KCNMA1: variants seen among roughly 807,000 people sequenced by gnomAD.
KCNMA1 encodes potassium calcium-activated channel subfamily M alpha 1.
Under a neutral mutation model 140.0 loss-of-function variants are expected in KCNMA1, and 29 were observed. The observed-to-expected ratio is 0.21, with a 90% CI of 0.15 to 0.28. The LOEUF (loss-of-function observed/expected upper bound fraction) is 0.28. Ranked by LOEUF, KCNMA1 falls within the 10% of genes least tolerant of loss-of-function variation. The probability of loss-of-function intolerance (pLI) is 1.00; values close to 1 mark genes in which losing one functional copy is unlikely to be tolerated. For synonymous variants in KCNMA1, 612 were observed against 611.9 expected, an observed-to-expected ratio of 1.00 and a Z score of 0.00; for missense variants, 880 against 1,602.2, an observed-to-expected ratio of 0.55 and a Z score of 7.70.
chr10:76,923,028 A>AT (rs745982839), intron 23 of KCNMA1, among the ~76,000 whole-genome samples: 22 of 152,086 alleles, frequency 1.4e-4, no homozygotes, highest in Non-Finnish European at 8.8e-5. Context: ...TTAGCGGTAC[A>AT]TTTTTTTAGA....
intron 1 of KCNMA1, among the ~76,000 whole-genome samples, chr10:77,523,209 C>CCG (rs1044118267): frequency 1.3e-5 from 2 of 149,882 alleles, no homozygotes; most frequent in African/African-American, 2.5e-5. Flanking sequence ...ACGTGCCCCC[C>CCG]CCCCTTGCAA....
chr10:77,355,953 T>C (rs2093441932), intron 2 of KCNMA1, among the ~76,000 whole-genome samples: 1 of 152,134 alleles, frequency 6.6e-6, no homozygotes, highest in Non-Finnish European at 1.5e-5. Context: ...GTACACAATA[T>C]CCACGTGGGA....
chr10:77,318,458 T>G (rs2081448188), intron 2 of KCNMA1, among the ~76,000 whole-genome samples: 1 of 152,114 alleles, frequency 6.6e-6, no homozygotes, highest in South Asian at 2.1e-4. Flanking sequence ...GACTCTACTG[T>G]GGAGGCACAA....
At chr10:77,404,173 T>C in intron 1 of KCNMA1, 150 bp from the exon 2 acceptor site, 2 of 657,224 alleles carry the variant, frequency 3.0e-6, no homozygotes, top group South Asian at 3.6e-5. Context: ...GGGTAAATTA[T>C]GCCTTTGATT....
Position 77,086,725 on chromosome 10 carries a change from G to C in KCNMA1, c.1335-132C>G, listed in dbSNP as rs984965481. ...GTGACCTACAGTCACCCTTTTGCTT[G>C]CCATAAATAAAAGACTCACACTCAA... On this transcript the variant is annotated intron_variant, in intron 10 of 27. Coordinates refer to ENST00000286628, the MANE Select transcript of KCNMA1 (RefSeq NM_001161352.2). 4.2e-6 allele frequency: 3 copies of C among 712,322 alleles called. No homozygotes were observed. In the African/African-American group the frequency reaches 5.3e-5, roughly 13 times the overall value. 44.1% of individuals were successfully genotyped at this position (712,322 alleles called of 1,614,324 possible).
intron 1 of KCNMA1, among the ~76,000 whole-genome samples, chr10:77,584,854 G>A (rs979509592): frequency 9.2e-5 from 14 of 152,126 alleles, no homozygotes; most frequent in African/African-American, 2.4e-4. Context: ...CCCAGCACTC[G>A]GCTGCACTTA....
chr10:76,904,124 T>C (rs1217377865), intron 25 of KCNMA1: 1 of 152,222 alleles, frequency 6.6e-6, no homozygotes, highest in Admixed American at 6.5e-5. Context: ...TTATATGCCT[T>C]TGCCATTCTC....
In KCNMA1 at chr10:77,184,994, G is replaced by T. The variant is rs888039771; in HGVS notation, c.603-78C>A. ...CTGTCTCCCACGATGCTGAGAAGTGGTAGTGCTTAGGGTAGACGATGAAAT... is the reference window on the plus strand; with the variant it reads ...CTGTCTCCCACGATGCTGAGAAGTGTTAGTGCTTAGGGTAGACGATGAAAT... On this transcript the variant is annotated intron_variant, in intron 3 of 27. Coordinates refer to ENST00000286628, the MANE Select transcript of KCNMA1 (RefSeq NM_001161352.2). 8.4e-5 allele frequency: 72 copies of T among 855,040 alleles called. No homozygotes were observed. The South Asian group carries it at 8.7e-4, about 10-fold the overall frequency. 53.0% of individuals were successfully genotyped at this position (855,040 alleles called of 1,614,324 possible).
intron 21 of KCNMA1, chr10:76,952,279 G>C: frequency 1.8e-6 from 2 of 1,128,102 alleles, no homozygotes; most frequent in Non-Finnish European, 2.5e-6. Flanking sequence ...CCAGCACTTT[G>C]GGAGGCCAAG....
intron 1 of KCNMA1, among the ~76,000 whole-genome samples, chr10:77,441,166 G>GA (rs2097390699): frequency 1.3e-5 from 2 of 152,264 alleles, no homozygotes; most frequent in South Asian, 4.1e-4. Context: ...TTGGAAAGGT[G>GA]AAGGGCCCTG....
In KCNMA1 at chr10:77,474,628, G is replaced by A. The variant is rs2098238767; in HGVS notation, c.379-70605C>T. Among the ~76,000 whole-genome samples the A allele has an allele frequency of 2.6e-5, 4 of 152,248 alleles. No individual in the cohort carries two copies. In the South Asian group the frequency reaches 8.3e-4, roughly 32 times the overall value. Reference sequence around the variant, plus strand: ...CGCGGTAGGGTGTGCCCTGTCTGGAGGTTCCACATTCTTTTTTTTTTCTCT... The same window carrying A: ...CGCGGTAGGGTGTGCCCTGTCTGGAAGTTCCACATTCTTTTTTTTTTCTCT... On this transcript the variant is annotated intron_variant, in intron 1 of 27. Transcript: ENST00000286628.
intron 25 of KCNMA1, chr10:76,904,715 G>A (rs1433516699): frequency 6.6e-6 from 1 of 152,180 alleles, no homozygotes; most frequent in African/African-American, 2.4e-5. Flanking sequence ...AGTGTGATTG[G>A]TATCTGTTTA....
At chr10:77,083,466 A>G (rs1390572462) in intron 12 of KCNMA1, among the ~76,000 whole-genome samples, 1 of 147,736 alleles carries the variant, frequency 6.8e-6, no homozygotes, top group African/African-American at 2.5e-5. Flanking sequence ...AGCACTGCAC[A>G]GTGTTTCCCA....
intron 3 of KCNMA1, among the ~76,000 whole-genome samples, chr10:77,213,638 C>T (rs2046814463): frequency 6.6e-6 from 1 of 152,120 alleles, no homozygotes; most frequent in Admixed American, 6.5e-5. Context: ...GCCCTCTCCA[C>T]CCCAACTCCA....
At chr10:77,009,385 T>A (rs74140247) in intron 18 of KCNMA1, among the ~76,000 whole-genome samples, 2,340 of 152,240 alleles carry the variant, frequency 0.015, 57 homozygotes, top group African/African-American at 0.053. Context: ...AGAGGCCAAA[T>A]CCTTATTTCT....
intron 1 of KCNMA1, among the ~76,000 whole-genome samples, chr10:77,487,445 A>G (rs1026958936): frequency 2.6e-5 from 4 of 152,220 alleles, no homozygotes; most frequent in African/African-American, 2.4e-5. Context: ...ATACACAGAA[A>G]GAGAGAGAAG....
At chr10:77,351,154 G>A (rs940838382) in intron 2 of KCNMA1, among the ~76,000 whole-genome samples, 3 of 152,182 alleles carry the variant, frequency 2.0e-5, no homozygotes, top group African/African-American at 7.2e-5. Context: ...TATGTTTAAA[G>A]TATTATAAAT....
chr10:77,206,388 A>G (rs904109212), intron 3 of KCNMA1, among the ~76,000 whole-genome samples: 7 of 152,180 alleles, frequency 4.6e-5, no homozygotes, highest in African/African-American at 1.7e-4. Context: ...GGTGTTGTGG[A>G]GTTTAAATGA....
At chr10:77,223,834 G>A (rs894708187) in intron 3 of KCNMA1, among the ~76,000 whole-genome samples, 13 of 152,036 alleles carry the variant, frequency 8.6e-5, no homozygotes, top group East Asian at 5.8e-4. Context: ...ACTGGTTCAC[G>A]CAAGGAATCA....
Sources: allele counts gnomAD v4.1 joint callset (sites outside exome capture counted in the v4.1 genomes callset), GRCh38; gene constraint gnomAD v4.1.1; transcripts MANE v1.5; gene names NCBI Gene and HGNC (gene_info 2026-07-23, HGNC 2026-07-21).